The following APBA1 variants were observed in gnomAD, a reference collection of about 807,000 sequenced individuals.
APBA1 encodes amyloid beta precursor protein binding family A member 1, also known as amyloid-beta A4 precursor protein-binding family A member 1.
Under a neutral mutation model 86.6 loss-of-function variants are expected in APBA1, and 55 were observed. The ratio of observed to expected loss-of-function variants is 0.64; its 90% CI spans 0.51 to 0.80. The LOEUF (loss-of-function observed/expected upper bound fraction) is 0.80, where lower values mean the gene tolerates loss of function less well. APBA1 is among the 30% of genes least tolerant of loss of function. The probability of loss-of-function intolerance (pLI) is 0.00; values close to 1 mark genes in which losing one functional copy is unlikely to be tolerated. For missense variants in APBA1, 1,090 were observed against 1,183.0 expected, an observed-to-expected ratio of 0.92 and a Z score of 1.15; for synonymous variants, 511 against 493.9, an observed-to-expected ratio of 1.03 and a Z score of -0.46.
At chr9:69,606,648 C>G (rs868476804) in intron 1 of APBA1, among the ~76,000 whole-genome samples, 8 of 151,944 alleles carry the variant, frequency 5.3e-5, no homozygotes, top group Middle Eastern at 3.4e-3. Context: ...CCCACCACCA[C>G]GCCCGGCTAA....
At chr9:69,616,302 A>G (rs1822698680) in intron 1 of APBA1, among the ~76,000 whole-genome samples, 1 of 152,234 alleles carries the variant, frequency 6.6e-6, no homozygotes, top group Non-Finnish European at 1.5e-5. Context: ...CATATGCTGT[A>G]ACTGGATAAA....
intron 2 of APBA1, among the ~76,000 whole-genome samples, chr9:69,491,537 G>A (rs998324206): frequency 6.6e-6 from 1 of 151,624 alleles, no homozygotes; most frequent in African/African-American, 2.4e-5. Context: ...ACACCAACGT[G>A]GCGCATGTAT....
At chr9:69,578,419 C>T (rs1821849571) in intron 1 of APBA1, among the ~76,000 whole-genome samples, 1 of 152,190 alleles carries the variant, frequency 6.6e-6, no homozygotes, top group Admixed American at 6.5e-5. Flanking sequence ...GCTCAACTTG[C>T]AGAACATCCT....
At chr9:69,582,361 TCTA>T (rs1428253901) in intron 1 of APBA1, among the ~76,000 whole-genome samples, 1 of 152,164 alleles carries the variant, frequency 6.6e-6, no homozygotes, top group Non-Finnish European at 1.5e-5. Flanking sequence ...CCTACCTGCT[TCTA>T]CTGCGGGACG....
At chr9:69,506,212 C>T (rs1369546491) in intron 2 of APBA1, among the ~76,000 whole-genome samples, 2 of 151,780 alleles carry the variant, frequency 1.3e-5, no homozygotes, top group East Asian at 3.9e-4. Context: ...TGGGTGCGCG[C>T]ACCGTGCGCG....
intron 10 of APBA1, among the ~76,000 whole-genome samples, chr9:69,447,133 C>T (rs1834923637): frequency 6.6e-6 from 1 of 152,146 alleles, no homozygotes; most frequent in South Asian, 2.1e-4. Context: ...TTTTTAAGGG[C>T]ACTAATCCCA....
chr9:69,638,788 G>A (rs781193570), intron 1 of APBA1, among the ~76,000 whole-genome samples: 4 of 152,152 alleles, frequency 2.6e-5, no homozygotes, highest in Non-Finnish European at 5.9e-5. Flanking sequence ...AGATGCCTCA[G>A]TGCCCATTCA....
At chr9:69,523,856 A>G in intron 1 of APBA1, among the ~76,000 whole-genome samples, 1 of 152,104 alleles carries the variant, frequency 6.6e-6, no homozygotes, top group Non-Finnish European at 1.5e-5. Flanking sequence ...TGAATTCAAA[A>G]AAATCAAAAT....
At chr9:69,490,038 C>T (rs1588315799) in intron 2 of APBA1, among the ~76,000 whole-genome samples, 1 of 152,026 alleles carries the variant, frequency 6.6e-6, no homozygotes, top group South Asian at 2.1e-4. Context: ...ATGTTTATTG[C>T]AGCACTATTC....
At chr9:69,535,221 A>T (rs1020098831) in intron 1 of APBA1, among the ~76,000 whole-genome samples, 51 of 152,348 alleles carry the variant, frequency 3.3e-4, no homozygotes, top group African/African-American at 1.2e-3. Context: ...AATCACCTGC[A>T]GATTTTGTTA....
chr9:69,537,574 A>T (rs1385632048), intron 1 of APBA1, among the ~76,000 whole-genome samples: 3 of 152,080 alleles, frequency 2.0e-5, no homozygotes, highest in African/African-American at 7.2e-5. Context: ...AGGGTCGGGG[A>T]GAGAAGTCAG....
chr9:69,469,012 T>C (rs1279272905), intron 4 of APBA1, among the ~76,000 whole-genome samples: 1 of 151,956 alleles, frequency 6.6e-6, no homozygotes, highest in Non-Finnish European at 1.5e-5. Context: ...CTACAGGCAC[T>C]ACCATGCCCA....
At chr9:69,486,851 ATTTTTTTTTTCTTCTTTTC>A (rs144706937) in intron 2 of APBA1, among the ~76,000 whole-genome samples, 24,763 of 148,116 alleles carry the variant, frequency 0.17, 2,182 homozygotes, top group Admixed American at 0.21. Flanking sequence ...GGGAGTAGAT[ATTTTTTTTTTCTTCTTTTC>A]TTTTTTTTTT....
chr9:69,472,699 T>C (rs1835384930), intron 3 of APBA1: 1 of 152,228 alleles, frequency 6.6e-6, no homozygotes, highest in South Asian at 2.1e-4. Flanking sequence ...TGAATAGCTG[T>C]TGGATAGGCT....
At chr9:69,444,126 T>C (rs184363223) in intron 10 of APBA1, among the ~76,000 whole-genome samples, 2 of 152,314 alleles carry the variant, frequency 1.3e-5, no homozygotes, top group Admixed American at 1.3e-4. Flanking sequence ...CTGCAGGACT[T>C]GAGCCTCCCC....
intron 12 of APBA1, among the ~76,000 whole-genome samples, 200 bp from the exon 13 acceptor site, chr9:69,431,598 G>A (rs537020194): frequency 3.3e-5 from 5 of 152,348 alleles, no homozygotes; most frequent in African/African-American, 1.2e-4. Context: ...CAAAAGCTTA[G>A]GGGTGACAGA....
chr9:69,491,806 C>T lies in APBA1; in HGVS notation c.1201-15663G>A, dbSNP rs1252240031. Among the ~76,000 whole-genome samples the T allele has an allele frequency of 9.3e-4, 138 of 148,518 alleles. 5 individuals are homozygous for T. Among genetic ancestry groups the T allele is most frequent in the South Asian group, 4.3e-4 (2 of 4,704 alleles). On this transcript the variant is annotated intron_variant, in intron 2 of 12. Transcript: ENST00000265381. ...TTGAGATGGAGTCTTGCTTTGTTGC[C>T]GAGGCTGGAGTGCAGTGGTGCGATC...
chr9:69,494,509 T>G (rs1835764507), intron 2 of APBA1: 1 of 152,080 alleles, frequency 6.6e-6, no homozygotes, highest in African/African-American at 2.4e-5. Context: ...AATAACCAAT[T>G]AACTACACCA....
intron 5 of APBA1, chr9:69,462,258 G>A (rs1006626913): frequency 5.9e-5 from 9 of 152,342 alleles, no homozygotes; most frequent in African/African-American, 1.9e-4. Flanking sequence ...CCTATCTTCT[G>A]GTTGAAGAGC....
Sources: gnomAD v4.1 joint callset for allele counts (sites outside exome capture counted in the v4.1 genomes callset) on GRCh38, gnomAD v4.1.1 for gene constraint, MANE v1.5 for transcripts, NCBI Gene and HGNC (gene_info 2026-07-23, HGNC 2026-07-21) for gene names.